The following LY6G6D variants were observed in gnomAD, a reference collection of about 807,000 sequenced individuals.
The protein encoded by LY6G6D is lymphocyte antigen 6 family member G6D, also known as lymphocyte antigen 6 complex locus protein G6d.
A neutral mutation model predicts 8.5 loss-of-function variants in LY6G6D; 5 were observed. The observed-to-expected ratio is 0.59, with a 90% CI of 0.31 to 1.24. The LOEUF is 1.24. Ranked by LOEUF, LY6G6D falls within the 50% of genes most tolerant of loss-of-function variation. The pLI is 0.07. For synonymous variants in LY6G6D, 65 were observed against 69.6 expected (o/e 0.93, Z 0.33); for missense variants, 154 against 170.4 (o/e 0.90, Z 0.53).
rs183594073 is a variant in LY6G6D, at chr6:31,716,968, G to A, written c.179-613G>A. 1.2e-4 allele frequency among the ~76,000 whole-genome samples: 18 copies of A among 150,094 alleles called. No homozygotes were observed. Among genetic ancestry groups the A allele is most frequent in the Admixed American group, 2.6e-4 (4 of 15,096 alleles). ...CATTTTTAGATTAAACAAAAATTACGTGCCGGATGCAGTGGCTCACGCCTG... is the reference window on the plus strand; with the variant it reads ...CATTTTTAGATTAAACAAAAATTACATGCCGGATGCAGTGGCTCACGCCTG... On this transcript the variant is annotated intron_variant, in intron 2 of 2. Transcript: ENST00000375825. This position sits in a 1 kb window ranked among gnomAD's most constrained non-coding sequence, Gnocchi z 5.1.
At position 31,717,741 on chromosome 6, in the gene LY6G6D, A is replaced by C; in HGVS notation, c.339A>C (p.Ala113=). Residue 113 remains alanine, a synonymous_variant, in exon 3 of 3, where the codon GCA becomes GCC. Coordinates refer to ENST00000375825, the MANE Select transcript of LY6G6D (RefSeq NM_021246.4). The surrounding 1 kb of genome is among the most constrained non-coding windows in gnomAD (Gnocchi z 5.0). ...CCGTGGCAAGCCATGTGGCCCCTGC[A>C]GGCATTTTGGCTGCAGCAGCTACCG... The part of the protein sequence containing the change: ...NSAVASHVAP[A]GILAAAATAL... The C allele has an allele frequency of 6.2e-7, 1 of 1,614,142 alleles. No homozygotes were observed. Among genetic ancestry groups the C allele is most frequent in the South Asian group, 1.1e-5 (1 of 91,088 alleles).
chr6:31,717,328 A>T lies in LY6G6D; in HGVS notation c.179-253A>T. The stretch of plus-strand genomic sequence containing the variant: ...ATGTCCCTCGATATTTATTTATCTG[A>T]TATTTGCCATGATGAGATTGAGGTC... On this transcript the variant is annotated intron_variant, in intron 2 of 2. Coordinates refer to ENST00000375825, the MANE Select transcript of LY6G6D (RefSeq NM_021246.4). The surrounding 1 kb of genome is among the most constrained non-coding windows in gnomAD (Gnocchi z 5.0). The T allele has an allele frequency of 2.9e-6, 2 of 688,660 alleles. No homozygotes were observed. Among genetic ancestry groups the T allele is most frequent in the Admixed American group, 6.5e-5 (2 of 30,586 alleles). 42.7% of individuals were successfully genotyped at this position (688,660 alleles called of 1,614,324 possible).
Position 31,715,520 on chromosome 6 carries a change from A to G in LY6G6D, c.74A>G (p.Tyr25Cys), listed in dbSNP as rs768585894. Reference sequence around the variant, plus strand: ...CTGCCAGGAAACCGAATGCGGTGCTACAACTGTGGTGGAAGCCCCAGCAGT... The same window carrying G: ...CTGCCAGGAAACCGAATGCGGTGCTGCAACTGTGGTGGAAGCCCCAGCAGT... ...GAALGNRMRC[Y>C]NCGGSPSSSC... is the part of the protein sequence containing the mutation. The change falls in exon 2 of 3, where the codon TAC becomes TGC. Residue 25 changes from tyrosine (Y) to cysteine (C), a missense_variant. Coordinates refer to ENST00000375825, the MANE Select transcript of LY6G6D (RefSeq NM_021246.4). The G allele has an allele frequency of 3.7e-4, 593 of 1,612,824 alleles. No individual in the cohort carries two copies. Among genetic ancestry groups the G allele is most frequent in the Non-Finnish European group, 4.8e-4 (572 of 1,179,992 alleles).
chr6:31,717,543 C>G lies in LY6G6D; in HGVS notation c.179-38C>G. 1 of 1,614,192 alleles carries G rather than the reference C, an allele frequency of 6.2e-7. No individual in the cohort carries two copies. Among genetic ancestry groups the G allele is most frequent in the Non-Finnish European group, 8.5e-7 (1 of 1,180,034 alleles). On this transcript the variant is annotated intron_variant, in intron 2 of 2. Transcript: ENST00000375825. The surrounding 1 kb of genome is among the most constrained non-coding windows in gnomAD (Gnocchi z 5.0). ...CTGCCCCAGAAGGCAAGTCCTGAAG[C>G]CAGGAGTCCAACACCCCAGTTTCAT... is the stretch of plus-strand genomic sequence containing the variant.
In LY6G6D at chr6:31,715,562, T is replaced by G; in HGVS notation, c.116T>G (p.Val39Gly). 1 of 1,613,062 alleles carries G rather than the reference T, an allele frequency of 6.2e-7. No homozygotes were observed. The highest frequency in any genetic ancestry group is 8.5e-7 in the Non-Finnish European group (1 of 1,180,018). The change falls in exon 2 of 3, where the codon GTG becomes GGG. Residue 39 changes from valine (V) to glycine (G), a missense_variant. Physicochemically the swap from Val to Gly is moderately radical, Grantham distance 109. Transcript: ENST00000375825. ...CCCAGCAGTTCTTGCAAAGAGGCCG[T>G]GACCACCTGTGGCGAGGGCAGACCC... ...GSPSSSCKEA[V>G]TTCGEGRPQP...
intron 2 of LY6G6D, 107 bp downstream of exon 2, chr6:31,715,731 A>T: frequency 6.7e-7 from 1 of 1,499,496 alleles, no homozygotes; most frequent in Non-Finnish European, 8.9e-7. Context: ...CTCTGGGCAG[A>T]TGGTGCAGCT....
Position 31,717,467 on chromosome 6 carries a change from T to G in LY6G6D, c.179-114T>G, listed in dbSNP as rs779047815. 1 of 1,609,474 alleles carries G rather than the reference T, an allele frequency of 6.2e-7. No homozygotes were observed. The highest frequency in any genetic ancestry group is 1.1e-5 in the South Asian group (1 of 90,452). On this transcript the variant is annotated intron_variant, in intron 2 of 2. Coordinates refer to ENST00000375825, the MANE Select transcript of LY6G6D (RefSeq NM_021246.4). The surrounding 1 kb of genome is among the most constrained non-coding windows in gnomAD (Gnocchi z 5.0). ...TTGATCACTTGGTTTCAGGGAGGTGTTTTTTGAGGGGGCTGAAAATCCCTT... is the reference window on the plus strand; with the variant it reads ...TTGATCACTTGGTTTCAGGGAGGTGGTTTTTGAGGGGGCTGAAAATCCCTT...
Position 31,717,245 on chromosome 6 carries a change from G to A in LY6G6D, c.179-336G>A, listed in dbSNP as rs1404821501. Reference sequence around the variant, plus strand: ...AGCTGGGCAATAAGAGTGAAACTCCGTCTCAAAAAAAAAAAAAAAATTACA... The same window carrying A: ...AGCTGGGCAATAAGAGTGAAACTCCATCTCAAAAAAAAAAAAAAAATTACA... On this transcript the variant is annotated intron_variant, in intron 2 of 2. Transcript: ENST00000375825. This position sits in a 1 kb window ranked among gnomAD's most constrained non-coding sequence, Gnocchi z 5.0. Among the ~76,000 whole-genome samples, 24 of 143,772 alleles carry A rather than the reference G, an allele frequency of 1.7e-4. No homozygotes were observed. The South Asian group carries it at 4.5e-3, about 27-fold the overall frequency. 94.3% of individuals were successfully genotyped at this position (143,772 alleles called of 152,430 possible).
Position 31,715,495 on chromosome 6 carries a change from C to T in LY6G6D, c.56-7C>T. The T allele has an allele frequency of 1.9e-6, 3 of 1,611,810 alleles. No homozygotes were observed. Among genetic ancestry groups the T allele is most frequent in the Non-Finnish European group, 2.5e-6 (3 of 1,178,932 alleles). On this transcript the variant is annotated splice_region_variant and splice_polypyrimidine_tract_variant and intron_variant, in intron 1 of 2. Transcript: ENST00000375825. ...GCCCAGGTCCAGCGCCTCTTTTCTC[C>T]TGCCAGGAAACCGAATGCGGTGCTA...
chr6:31,717,475 G>T lies in LY6G6D; in HGVS notation c.179-106G>T. 6.2e-7 allele frequency: 1 copy of T among 1,609,610 alleles called. No homozygotes were observed. The highest frequency in any genetic ancestry group is 1.1e-5 in the South Asian group (1 of 90,368). ...TTGGTTTCAGGGAGGTGTTTTTTGAGGGGGCTGAAAATCCCTTTGGGCTCC... is the reference window on the plus strand; with the variant it reads ...TTGGTTTCAGGGAGGTGTTTTTTGATGGGGCTGAAAATCCCTTTGGGCTCC... On this transcript the variant is annotated intron_variant, in intron 2 of 2. Coordinates refer to ENST00000375825, the MANE Select transcript of LY6G6D (RefSeq NM_021246.4). This position sits in a 1 kb window ranked among gnomAD's most constrained non-coding sequence, Gnocchi z 5.0.
rs1472882185 is a variant in LY6G6D at position 31,717,571 on chromosome 6, T to C, written c.179-10T>C. 2 of 1,614,054 alleles carry C rather than the reference T, an allele frequency of 1.2e-6. No homozygotes were observed. Among genetic ancestry groups the C allele is most frequent in the Non-Finnish European group, 1.7e-6 (2 of 1,180,014 alleles). ...GGAGTCCAACACCCCAGTTTCATTC[T>C]CTCTCTCAGCCCCAGTGACCTTGAT... On this transcript the variant is annotated splice_polypyrimidine_tract_variant and intron_variant, in intron 2 of 2. Coordinates refer to ENST00000375825, the MANE Select transcript of LY6G6D (RefSeq NM_021246.4). The surrounding 1 kb of genome is among the most constrained non-coding windows in gnomAD (Gnocchi z 5.0).
chr6:31,717,811 T>C lies in LY6G6D; in HGVS notation c.*7T>C, dbSNP rs1806559295. The C allele has an allele frequency of 1.2e-6, 2 of 1,605,402 alleles. No homozygotes were observed. The highest frequency in any genetic ancestry group is 1.7e-6 in the Non-Finnish European group (2 of 1,177,018). Reference sequence around the variant, plus strand: ...AGGACTGTGGAGCGGATAGGGGGAGTAGGAGTAGAGAAGGGAACAAGGGAG... The same window carrying C: ...AGGACTGTGGAGCGGATAGGGGGAGCAGGAGTAGAGAAGGGAACAAGGGAG... On this transcript the variant is annotated 3_prime_UTR_variant, in exon 3 of 3. Coordinates refer to ENST00000375825, the MANE Select transcript of LY6G6D (RefSeq NM_021246.4). The surrounding 1 kb of genome is among the most constrained non-coding windows in gnomAD (Gnocchi z 5.0).
rs191695199 is a variant in LY6G6D, at chr6:31,716,453, A to C, written c.178+829A>C. Among the ~76,000 whole-genome samples the C allele has an allele frequency of 2.3e-3, 356 of 152,118 alleles. 2 individuals carry two copies. The highest frequency in any genetic ancestry group is 8.0e-3 in the African/African-American group (332 of 41,484). On this transcript the variant is annotated intron_variant, in intron 2 of 2. Coordinates refer to ENST00000375825, the MANE Select transcript of LY6G6D (RefSeq NM_021246.4). This position sits in a 1 kb window ranked among gnomAD's most constrained non-coding sequence, Gnocchi z 5.1. ...AAAACAAACAAACAAACAAACAAAC[A>C]GATTAAAAAATTAGTTGGGTGTGGT...
intron 2 of LY6G6D, among the ~76,000 whole-genome samples, chr6:31,715,950 GGTGTGTGTGTGTGTGT>G (rs3138769): frequency 2.8e-4 from 41 of 147,048 alleles, no homozygotes; most frequent in Admixed American, 5.4e-4. Flanking sequence ...ACCAGGGAGG[GGTGTGTGTGTGTGTGT>G]GTGTGTGTGT....
intron 2 of LY6G6D, among the ~76,000 whole-genome samples, chr6:31,715,830 C>T (rs976302906): frequency 6.6e-6 from 1 of 152,118 alleles, no homozygotes; most frequent in South Asian, 2.1e-4. Flanking sequence ...TTCCCCACCT[C>T]CTTATTCTCC....
Position 31,717,796 on chromosome 6 carries a change from A to C in LY6G6D, c.394A>C (p.Ser132Arg). 6.2e-7 allele frequency: 1 copy of C among 1,611,420 alleles called. No individual in the cohort carries two copies. The highest frequency in any genetic ancestry group is 8.5e-7 in the Non-Finnish European group (1 of 1,179,386). Reference sequence around the variant, plus strand: ...GACCTGTCTCTTGCCAGGACTGTGGAGCGGATAGGGGGAGTAGGAGTAGAG... The same window carrying C: ...GACCTGTCTCTTGCCAGGACTGTGGCGCGGATAGGGGGAGTAGGAGTAGAG... ...ALTCLLPGLW[S>R]G is the part of the protein sequence containing the mutation. The change falls in exon 3 of 3, where the codon AGC becomes CGC. Residue 132 changes from serine (S) to arginine (R), a missense_variant. Transcript: ENST00000375825. This position sits in a 1 kb window ranked among gnomAD's most constrained non-coding sequence, Gnocchi z 5.0.
Position 31,715,350 on chromosome 6 carries a change from ACTGCGATGAAAC to A in LY6G6D, c.-4_8del. ...GTAGAGGCGGTCCTGACACGGGCAG[ACTGCGATGAAAC>A]CCCAGTTTGTTGGGATCTTGCTCAG... On this transcript the variant is annotated start_lost and 5_prime_UTR_variant, in exon 1 of 3. Transcript: ENST00000375825. The A allele has an allele frequency of 6.3e-7, 1 of 1,594,624 alleles. No homozygotes were observed. The highest frequency in any genetic ancestry group is 8.6e-7 in the Non-Finnish European group (1 of 1,169,532).
intron 2 of LY6G6D, among the ~76,000 whole-genome samples, chr6:31,715,950 G>GGGGTGTGTGT (rs1349361559): frequency 6.8e-6 from 1 of 146,956 alleles, no homozygotes; most frequent in South Asian, 2.2e-4. Flanking sequence ...ACCAGGGAGG[G>GGGGTGTGTGT]GTGTGTGTGT....
In LY6G6D at chr6:31,717,403, T is replaced by C; in HGVS notation, c.179-178T>C. On this transcript the variant is annotated intron_variant, in intron 2 of 2. Transcript: ENST00000375825. The surrounding 1 kb of genome is among the most constrained non-coding windows in gnomAD (Gnocchi z 5.0). ...AGAAGTGATGTTGCATCCTTCTTGCTGCATCACATCAGGAGTTTACAAGGT... is the reference window on the plus strand; with the variant it reads ...AGAAGTGATGTTGCATCCTTCTTGCCGCATCACATCAGGAGTTTACAAGGT... 2.0e-6 allele frequency: 3 copies of C among 1,500,446 alleles called. No homozygotes were observed. Among genetic ancestry groups the C allele is most frequent in the Non-Finnish European group, 2.7e-6 (3 of 1,108,956 alleles). The allele number at this position is 1,500,446 out of a possible 1,614,324, so 92.9% of individuals were successfully genotyped here.
Sources: allele counts gnomAD v4.1 joint callset (sites outside exome capture counted in the v4.1 genomes callset), GRCh38; gene constraint gnomAD v4.1.1; non-coding constraint Gnocchi (gnomAD v3.1); transcripts MANE v1.5; gene names NCBI Gene and HGNC (gene_info 2026-07-23, HGNC 2026-07-21).